CTNNA3: variants seen among roughly 807,000 people sequenced by gnomAD.
CTNNA3 encodes the protein catenin alpha-3.
CTNNA3 carries 76 observed loss-of-function variants against 95.7 expected under a neutral mutation model. That is an observed-to-expected ratio of 0.79 (90% CI 0.66 to 0.96). The LOEUF is 0.96. CTNNA3 is among the 40% of genes least tolerant of loss of function. The pLI, the probability that CTNNA3 is intolerant of heterozygous loss-of-function variation, is 0.00. For missense variants in CTNNA3, 1,191 were observed against 1,089.8 expected (o/e 1.09, Z -1.31); for synonymous variants, 431 against 374.4 (o/e 1.15, Z -1.74).
chr10:66,613,307 C>G (rs1261108504), intron 10 of CTNNA3, among the ~76,000 whole-genome samples: 1 of 152,056 alleles, frequency 6.6e-6, no homozygotes, highest in Admixed American at 6.6e-5. Context: ...AAAACTTAGG[C>G]CTTAAAATTC....
In CTNNA3 at chr10:66,845,716, A is replaced by ATAAATAAATAAATAAATAAAT. The variant is rs1306765689; in HGVS notation, c.1048-70193_1048-70192insATTTATTTATTTATTTATTTA. Among the ~76,000 whole-genome samples the ATAAATAAATAAATAAATAAAT allele has an allele frequency of 5.0e-4, 64 of 127,046 alleles. 5 individuals are homozygous for ATAAATAAATAAATAAATAAAT. Among genetic ancestry groups the ATAAATAAATAAATAAATAAAT allele is most frequent in the African/African-American group, 1.8e-3 (61 of 34,044 alleles). 83.3% of individuals were successfully genotyped at this position (127,046 alleles called of 152,430 possible). A position where few individuals can be genotyped will look rare whatever the true frequency, so the allele number is the denominator to read the frequency against. ...AAAACTCTGTCTCAAAAAAAAAAAA[A>ATAAATAAATAAATAAATAAAT]AAAAAAAAAAAAACTAAAAAGGTGA... is the stretch of plus-strand genomic sequence containing the variant. On this transcript the variant is annotated intron_variant, in intron 7 of 17. Transcript: ENST00000433211.
At chr10:66,933,143 T>C (rs1270194438) in intron 7 of CTNNA3, among the ~76,000 whole-genome samples, 1 of 152,240 alleles carries the variant, frequency 6.6e-6, no homozygotes, top group African/African-American at 2.4e-5. Flanking sequence ...TGTTGTTCTA[T>C]GTTTGGCATG....
At chr10:66,124,441 C>A (rs960250460) in intron 13 of CTNNA3, among the ~76,000 whole-genome samples, 5 of 152,144 alleles carry the variant, frequency 3.3e-5, no homozygotes, top group Admixed American at 3.3e-4. Context: ...TAAACTTTTC[C>A]ACACTTTCCT....
At chr10:66,542,089 G>A (rs1841873921) in intron 10 of CTNNA3, among the ~76,000 whole-genome samples, 1 of 152,014 alleles carries the variant, frequency 6.6e-6, no homozygotes, top group South Asian at 2.1e-4. Flanking sequence ...GACATGAACA[G>A]ACACTTCTCA....
At chr10:66,129,669 C>T (rs2082995696) in intron 13 of CTNNA3, among the ~76,000 whole-genome samples, 1 of 152,056 alleles carries the variant, frequency 6.6e-6, no homozygotes, top group Non-Finnish European at 1.5e-5. Context: ...AGTGCAGCCC[C>T]CAGGTACCTG....
chr10:67,564,124 C>G lies in CTNNA3; in HGVS notation c.293-24455G>C, dbSNP rs886499401. Among the ~76,000 whole-genome samples, 8 of 149,626 alleles carry G rather than the reference C, an allele frequency of 5.3e-5. 1 individual carries two copies. Among genetic ancestry groups the G allele is most frequent in the Non-Finnish European group, 1.2e-4 (8 of 67,412 alleles). ...TCTAGAACTAGAAATACCATTTGAC[C>G]CAGTGATCCCATTACTGGGTATATA... On this transcript the variant is annotated intron_variant, in intron 3 of 17. Transcript: ENST00000433211.
At chr10:67,293,099 T>G (rs578218417) in intron 5 of CTNNA3, among the ~76,000 whole-genome samples, 5 of 152,260 alleles carry the variant, frequency 3.3e-5, no homozygotes, top group African/African-American at 7.2e-5. Context: ...ATACTACCTA[T>G]TTCCTTGTTA....
chr10:66,168,069 T>C (rs1200482558), intron 13 of CTNNA3, among the ~76,000 whole-genome samples: 1 of 152,118 alleles, frequency 6.6e-6, no homozygotes, highest in African/African-American at 2.4e-5. Flanking sequence ...GGTGCCAGAG[T>C]CACTTTGCTT....
intron 10 of CTNNA3, among the ~76,000 whole-genome samples, chr10:66,616,163 G>C (rs1279188408): frequency 6.6e-6 from 1 of 151,918 alleles, no homozygotes; most frequent in African/African-American, 2.4e-5. Context: ...TCTAAGGATT[G>C]GGTTTCAAAA....
At chr10:66,000,667 T>C (rs1309203599) in intron 15 of CTNNA3, among the ~76,000 whole-genome samples, 3 of 152,192 alleles carry the variant, frequency 2.0e-5, no homozygotes, top group Non-Finnish European at 4.4e-5. Context: ...AATAATAGCA[T>C]ATATTTTCTT....
intron 7 of CTNNA3, among the ~76,000 whole-genome samples, chr10:66,800,912 T>C (rs1442105782): frequency 6.6e-6 from 1 of 151,240 alleles, no homozygotes; most frequent in Non-Finnish European, 1.5e-5. Context: ...CAACAAAAGA[T>C]ATCGTAAGTC....
chr10:66,742,670 G>A (rs950019744), intron 9 of CTNNA3, among the ~76,000 whole-genome samples: 1 of 152,108 alleles, frequency 6.6e-6, no homozygotes, highest in African/African-American at 2.4e-5. Context: ...CAGACCGGCT[G>A]ACACTTAGGG....
chr10:67,027,660 C>A (rs2133097692), intron 7 of CTNNA3, among the ~76,000 whole-genome samples: 1 of 152,170 alleles, frequency 6.6e-6, no homozygotes, highest in African/African-American at 2.4e-5. Context: ...TGGTCTCAAT[C>A]TCTTGACCTT....
intron 5 of CTNNA3, among the ~76,000 whole-genome samples, chr10:67,322,128 C>G (rs912603872): frequency 6.6e-6 from 1 of 152,026 alleles, no homozygotes; most frequent in Non-Finnish European, 1.5e-5. Context: ...AAAAAAAGAC[C>G]TTTTATAAAA....
intron 5 of CTNNA3, among the ~76,000 whole-genome samples, chr10:67,372,301 C>T (rs1033343691): frequency 8.5e-5 from 13 of 152,082 alleles, no homozygotes; most frequent in African/African-American, 2.9e-4. Flanking sequence ...AAGTCCTTGC[C>T]CATGCCTATG....
intron 7 of CTNNA3, among the ~76,000 whole-genome samples, chr10:66,824,910 G>C (rs943398935): frequency 6.6e-6 from 1 of 152,022 alleles, no homozygotes; most frequent in East Asian, 1.9e-4. Flanking sequence ...ACATTAATGT[G>C]CTAATGCCAG....
chr10:67,178,391 T>TG (rs1340533972), intron 7 of CTNNA3, among the ~76,000 whole-genome samples: 2 of 152,190 alleles, frequency 1.3e-5, no homozygotes, highest in Non-Finnish European at 2.9e-5. Context: ...ACTTTATAAG[T>TG]ACCTCTTTAT....
chr10:66,023,969 A>ACATTTC (rs1412443122), intron 15 of CTNNA3, among the ~76,000 whole-genome samples: 1 of 152,160 alleles, frequency 6.6e-6, no homozygotes, highest in East Asian at 1.9e-4. Flanking sequence ...CTATTCAGAA[A>ACATTTC]CATTTCTTCT....
intron 5 of CTNNA3, among the ~76,000 whole-genome samples, chr10:67,515,583 A>G (rs559650559): frequency 6.6e-6 from 1 of 152,222 alleles, no homozygotes; most frequent in Non-Finnish European, 1.5e-5. Context: ...AAATCTTCAG[A>G]AACAGGTTTA....
Sources: allele counts gnomAD v4.1 joint callset (sites outside exome capture counted in the v4.1 genomes callset), GRCh38; gene constraint gnomAD v4.1.1; transcripts MANE v1.5; gene names NCBI Gene and HGNC (gene_info 2026-07-23, HGNC 2026-07-21).